The following NAALADL2 variants were observed in gnomAD, a reference collection of about 807,000 sequenced individuals.
The protein encoded by NAALADL2 is N-acetylated alpha-linked acidic dipeptidase like 2, also known as inactive N-acetylated-alpha-linked acidic dipeptidase-like protein 2.
Under a neutral mutation model 87.2 loss-of-function variants are expected in NAALADL2, and 76 were observed. That is an observed-to-expected ratio of 0.87 (90% CI 0.72 to 1.05). The LOEUF (loss-of-function observed/expected upper bound fraction) is 1.05. Ranked by LOEUF, NAALADL2 falls within the 50% of genes least tolerant of loss-of-function variation. The pLI is 0.00. For missense variants in NAALADL2, 1,089 were observed against 945.8 expected, an observed-to-expected ratio of 1.15 and a Z score of -1.99; for synonymous variants, 354 against 331.0, an observed-to-expected ratio of 1.07 and a Z score of -0.75.
intron 10 of NAALADL2, among the ~76,000 whole-genome samples, chr3:175,604,418 C>T (rs890207698): frequency 6.6e-6 from 1 of 151,364 alleles, no homozygotes; most frequent in Admixed American, 6.6e-5. Flanking sequence ...ATTCTCCTGC[C>T]TCAGCCTCCC....
rs576860154 is a variant in NAALADL2, at chr3:175,567,208, G to A, written c.1654-8833G>A. Among the ~76,000 whole-genome samples, 22 of 152,276 alleles carry A rather than the reference G, an allele frequency of 1.4e-4. No homozygotes were observed. The South Asian group carries it at 4.6e-3, about 32-fold the overall frequency. The stretch of plus-strand genomic sequence containing the variant: ...TGTTACACGAAGTCTTAAGTGGAGA[G>A]AGAAAAAATGAAGAAATCCATCGTC... On this transcript the variant is annotated intron_variant, in intron 9 of 13. Transcript: ENST00000454872.
intron 7 of NAALADL2, among the ~76,000 whole-genome samples, chr3:175,465,098 TTTAA>T (rs1723770832): frequency 6.6e-6 from 1 of 151,982 alleles, no homozygotes; most frequent in Admixed American, 6.6e-5. Flanking sequence ...AAATTGACTA[TTTAA>T]TTAGCCGGGC....
intron 11 of NAALADL2, among the ~76,000 whole-genome samples, chr3:175,733,766 G>C (rs1466981301): frequency 7.0e-6 from 1 of 142,086 alleles, no homozygotes; most frequent in African/African-American, 2.7e-5. Context: ...ATACAATGAG[G>C]TCTCAGGTAT....
chr3:175,515,502 G>C (rs1731708566), intron 9 of NAALADL2, among the ~76,000 whole-genome samples: 1 of 151,906 alleles, frequency 6.6e-6, no homozygotes. Flanking sequence ...GAAAGGAGTA[G>C]TGTTCTGTAC....
At chr3:175,425,171 G>A (rs908139957) in intron 5 of NAALADL2, among the ~76,000 whole-genome samples, 20 of 152,004 alleles carry the variant, frequency 1.3e-4, no homozygotes, top group Admixed American at 2.0e-4. Flanking sequence ...TCACAAATAC[G>A]GTATCAGTAG....
intron 5 of NAALADL2, among the ~76,000 whole-genome samples, chr3:175,376,737 G>C (rs962286167): frequency 1.3e-5 from 2 of 152,038 alleles, no homozygotes; most frequent in African/African-American, 2.4e-5. Flanking sequence ...CTGGTACTAA[G>C]TTTACATATA....
chr3:175,479,241 G>T (rs1726122239), intron 9 of NAALADL2, among the ~76,000 whole-genome samples: 1 of 151,628 alleles, frequency 6.6e-6, no homozygotes, highest in South Asian at 2.1e-4. Context: ...AAAATAATTT[G>T]ATTCAATGAA....
At chr3:174,741,018 A>C (rs963986498) in intron 3 of NAALADL2, among the ~76,000 whole-genome samples, 3 of 151,768 alleles carry the variant, frequency 2.0e-5, no homozygotes, top group African/African-American at 4.8e-5. Flanking sequence ...CCAGTGAATA[A>C]ATTAGAACAG....
chr3:174,517,094 G>A (rs989611307), intron 1 of NAALADL2, among the ~76,000 whole-genome samples: 4 of 151,790 alleles, frequency 2.6e-5, no homozygotes, highest in African/African-American at 7.3e-5. Flanking sequence ...ATAGTAAAAC[G>A]TATGGTTACA....
intron 3 of NAALADL2, among the ~76,000 whole-genome samples, chr3:175,239,899 C>G (rs188432241): frequency 6.6e-6 from 1 of 152,242 alleles, no homozygotes; most frequent in Admixed American, 6.5e-5. Context: ...AAGCACCTGA[C>G]AGTTAGTACT....
intron 10 of NAALADL2, among the ~76,000 whole-genome samples, chr3:175,604,973 A>G (rs1310969506): frequency 1.3e-5 from 2 of 152,220 alleles, no homozygotes; most frequent in Non-Finnish European, 2.9e-5. Flanking sequence ...TCCATGGCTT[A>G]GACGGTATCA....
chr3:175,429,332 G>T (rs1056711579), intron 5 of NAALADL2, among the ~76,000 whole-genome samples: 7 of 151,824 alleles, frequency 4.6e-5, no homozygotes, highest in African/African-American at 1.7e-4. Context: ...GACAAGATAT[G>T]TTTCATGCTA....
chr3:174,451,641 C>T (rs1715487660), intron 1 of NAALADL2, among the ~76,000 whole-genome samples: 1 of 152,112 alleles, frequency 6.6e-6, no homozygotes, highest in Non-Finnish European at 1.5e-5. Context: ...GTCTATATCT[C>T]TGATTATTTA....
At chr3:174,913,905 A>G (rs1407661877) in intron 1 of NAALADL2, among the ~76,000 whole-genome samples, 1 of 152,118 alleles carries the variant, frequency 6.6e-6, no homozygotes, top group Non-Finnish European at 1.5e-5. Flanking sequence ...GGTGGTTTGA[A>G]GAACTGAAGG....
At chr3:175,270,637 A>G (rs1752690860) in intron 4 of NAALADL2, among the ~76,000 whole-genome samples, 2 of 152,180 alleles carry the variant, frequency 1.3e-5, no homozygotes, top group Non-Finnish European at 2.9e-5. Context: ...CTTGAATGAG[A>G]AGAATTTGTA....
intron 2 of NAALADL2, among the ~76,000 whole-genome samples, chr3:175,147,805 C>T (rs899451698): frequency 5.3e-5 from 8 of 152,140 alleles, no homozygotes; most frequent in African/African-American, 1.7e-4. Context: ...CGTGTTGGCT[C>T]ACGCCTGTAA....
rs1263133840 is a variant in NAALADL2 at position 174,629,112 on chromosome 3, T to G, written c.-115+78475T>G. Among the ~76,000 whole-genome samples the G allele has an allele frequency of 2.0e-5, 3 of 152,224 alleles. No homozygotes were observed. The East Asian group carries it at 5.8e-4, about 29-fold the overall frequency. ...ATCACTAGTGACAAACCATTATTCT[T>G]ACTATCACAGAAACAGGTGAATGTA... On this transcript the variant is annotated intron_variant, in intron 2 of 3. Transcript: ENST00000434257.
intron 12 of NAALADL2, among the ~76,000 whole-genome samples, chr3:175,737,716 T>TA: frequency 9.9e-6 from 1 of 100,676 alleles, no homozygotes; most frequent in South Asian, 4.1e-4. Context: ...ATGATCCAGT[T>TA]TTTTTTTTTT....
At chr3:174,463,894 G>A (rs545123523) in intron 1 of NAALADL2, among the ~76,000 whole-genome samples, 4 of 152,050 alleles carry the variant, frequency 2.6e-5, no homozygotes, top group African/African-American at 4.8e-5. Flanking sequence ...CACCGGGCCC[G>A]GCCAAGATTA....
Sources: gnomAD v4.1 joint callset for allele counts (sites outside exome capture counted in the v4.1 genomes callset) on GRCh38, gnomAD v4.1.1 for gene constraint, MANE v1.5 for transcripts, NCBI Gene and HGNC (gene_info 2026-07-23, HGNC 2026-07-21) for gene names.